CSNK1G3: variants seen among roughly 807,000 people sequenced by gnomAD.
CSNK1G3 encodes casein kinase I isoform gamma-3.
Under a neutral mutation model 64.3 loss-of-function variants are expected in CSNK1G3, and 23 were observed. The ratio of observed to expected loss-of-function variants is 0.36; its 90% CI spans 0.26 to 0.51. The LOEUF is 0.51. CSNK1G3 is among the 20% of genes least tolerant of loss of function. The pLI is 0.96. For synonymous variants in CSNK1G3, 158 were observed against 162.2 expected (o/e 0.97, Z 0.20); for missense variants, 357 against 510.5 (o/e 0.70, Z 2.90).
At chr5:123,580,993 C>A (rs183652688) in intron 6 of CSNK1G3, among the ~76,000 whole-genome samples, 30 of 151,982 alleles carry the variant, frequency 2.0e-4, no homozygotes, top group Admixed American at 1.8e-3. Context: ...AAAATGCCTT[C>A]TTTCTGTGCT....
At chr5:123,579,261 T>C (rs1385368492) in intron 6 of CSNK1G3, among the ~76,000 whole-genome samples, 3 of 150,434 alleles carry the variant, frequency 2.0e-5, no homozygotes, top group African/African-American at 7.3e-5. Flanking sequence ...TTTTCAGACA[T>C]CTGAAATGCC....
chr5:123,589,520 G>GCA (rs2150962218), intron 8 of CSNK1G3, among the ~76,000 whole-genome samples: 1 of 152,144 alleles, frequency 6.6e-6, no homozygotes. Context: ...GAAGGTCACT[G>GCA]CACACCACTT....
intron 1 of CSNK1G3, among the ~76,000 whole-genome samples, chr5:123,520,882 T>C (rs917404345): frequency 6.6e-6 from 1 of 152,074 alleles, no homozygotes; most frequent in Non-Finnish European, 1.5e-5. Flanking sequence ...ATGTTTTTTT[T>C]CTTTACACCC....
At chr5:123,595,117 C>A in intron 10 of CSNK1G3, 1 of 1,613,544 alleles carries the variant, frequency 6.2e-7, no homozygotes. Context: ...AGCAGACAGA[C>A]ATGGTGGCTC....
intron 1 of CSNK1G3, among the ~76,000 whole-genome samples, chr5:123,523,616 C>T (rs187546129): frequency 2.8e-4 from 42 of 152,220 alleles, no homozygotes; most frequent in African/African-American, 9.4e-4. Context: ...GTTTAGAGGA[C>T]GTGTTATGTG....
chr5:123,565,850 A>C (rs745389974), intron 4 of CSNK1G3, among the ~76,000 whole-genome samples: 1 of 152,176 alleles, frequency 6.6e-6, no homozygotes, highest in Non-Finnish European at 1.5e-5. Flanking sequence ...TAAGAACTCA[A>C]AATCATGAGA....
At chr5:123,574,749 G>C (rs1442280135) in intron 5 of CSNK1G3, among the ~76,000 whole-genome samples, 1 of 152,148 alleles carries the variant, frequency 6.6e-6, no homozygotes, top group Non-Finnish European at 1.5e-5. Flanking sequence ...AGGATTGCTT[G>C]AGCCCGGAGG....
At chr5:123,542,849 A>AGTGTGTGTGTGT (rs66645709) in intron 1 of CSNK1G3, among the ~76,000 whole-genome samples, 1,443 of 134,864 alleles carry the variant, frequency 0.011, 33 homozygotes, top group African/African-American at 0.038. Flanking sequence ...GCCTAGATTT[A>AGTGTGTGTGTGT]GTGTGTGTGT....
chr5:123,607,462 A>T (rs1795552615), intron 12 of CSNK1G3, among the ~76,000 whole-genome samples: 3 of 152,180 alleles, frequency 2.0e-5, no homozygotes, highest in Non-Finnish European at 2.9e-5. Flanking sequence ...AAGAAATGAA[A>T]TTGAAAACAT....
chr5:123,580,661 A>G (rs1790070715), intron 6 of CSNK1G3, among the ~76,000 whole-genome samples: 1 of 151,930 alleles, frequency 6.6e-6, no homozygotes, highest in Non-Finnish European at 1.5e-5. Flanking sequence ...GCTTTTTAAT[A>G]TCTTTTTAAA....
chr5:123,565,565 C>T (rs1786696192), intron 4 of CSNK1G3, among the ~76,000 whole-genome samples: 1 of 152,104 alleles, frequency 6.6e-6, no homozygotes, highest in Non-Finnish European at 1.5e-5. Context: ...TACTTTTGTT[C>T]TAATTCTTCT....
At chr5:123,554,449 T>A (rs1784249913) in intron 3 of CSNK1G3, among the ~76,000 whole-genome samples, 1 of 152,300 alleles carries the variant, frequency 6.6e-6, no homozygotes, top group East Asian at 1.9e-4. Context: ...AGCCCAAGTT[T>A]CTTTCTATGG....
intron 12 of CSNK1G3, among the ~76,000 whole-genome samples, chr5:123,607,595 G>A (rs529331034): frequency 1.3e-5 from 2 of 152,318 alleles, no homozygotes; most frequent in South Asian, 2.1e-4. Flanking sequence ...GGGCAGGGAA[G>A]AGGAGGATGG....
chr5:123,558,201 A>G (rs1279164723), intron 4 of CSNK1G3, among the ~76,000 whole-genome samples: 1 of 152,196 alleles, frequency 6.6e-6, no homozygotes, highest in Admixed American at 6.5e-5. Flanking sequence ...ATAACTGTAA[A>G]AAAATAAATT....
intron 6 of CSNK1G3, among the ~76,000 whole-genome samples, chr5:123,582,104 C>T (rs1191538414): frequency 6.6e-6 from 1 of 150,974 alleles, no homozygotes; most frequent in East Asian, 1.9e-4. Flanking sequence ...TTTGAGTTAA[C>T]GAAAAAGGGA....
chr5:123,588,458 T>C, exon 8 of CSNK1G3: 2 of 1,612,898 alleles, frequency 1.2e-6, no homozygotes, highest in Non-Finnish European at 1.7e-6. Flanking sequence ...TATCAGAAAA[T>C]TGGAGATACA....
At chr5:123,570,684 A>C (rs751512890) in intron 4 of CSNK1G3, among the ~76,000 whole-genome samples, 2 of 151,992 alleles carry the variant, frequency 1.3e-5, no homozygotes, top group Non-Finnish European at 2.9e-5. Flanking sequence ...GAAGTTCAAA[A>C]CCTTTTTATT....
chr5:123,600,704 A>G (rs1428658908), intron 10 of CSNK1G3, among the ~76,000 whole-genome samples: 1 of 152,128 alleles, frequency 6.6e-6, no homozygotes, highest in African/African-American at 2.4e-5. Context: ...TTTGGAAAGT[A>G]CATTAATTGA....
At chr5:123,563,425 A>C (rs1581148039) in intron 4 of CSNK1G3, among the ~76,000 whole-genome samples, 1 of 151,924 alleles carries the variant, frequency 6.6e-6, no homozygotes, top group South Asian at 2.1e-4. Context: ...CTTTATGCTG[A>C]TCCTTCTGCC....
Sources: allele counts gnomAD v4.1 joint callset (sites outside exome capture counted in the v4.1 genomes callset), GRCh38; gene constraint gnomAD v4.1.1; transcripts MANE v1.5; gene names NCBI Gene and HGNC (gene_info 2026-07-23, HGNC 2026-07-21).